The following RPS6KA5 variants were observed in gnomAD, a reference collection of about 807,000 sequenced individuals.
RPS6KA5 encodes ribosomal protein S6 kinase alpha-5.
In RPS6KA5, 27 loss-of-function variants were observed where a neutral mutation model predicts 85.5. The observed-to-expected ratio is 0.32, with a 90% CI of 0.23 to 0.44. The LOEUF (loss-of-function observed/expected upper bound fraction) is 0.44, where lower values mean the gene tolerates loss of function less well. Among genes scored for constraint, RPS6KA5 ranks in the 20% least tolerant of loss-of-function variants. The pLI, the probability that RPS6KA5 is intolerant of heterozygous loss-of-function variation, is 1.00. For synonymous variants in RPS6KA5, 334 were observed against 348.2 expected, an observed-to-expected ratio of 0.96 and a Z score of 0.46; for missense variants, 811 against 980.9, an observed-to-expected ratio of 0.83 and a Z score of 2.31.
chr14:90,983,080 T>A (rs998991044), intron 2 of RPS6KA5, among the ~76,000 whole-genome samples: 1 of 149,366 alleles, frequency 6.7e-6, no homozygotes, highest in Middle Eastern at 3.2e-3. Context: ...GCCACTGCAC[T>A]CCGGCCTGGG....
At chr14:90,976,635 T>C (rs2039582985) in intron 3 of RPS6KA5, among the ~76,000 whole-genome samples, 1 of 152,074 alleles carries the variant, frequency 6.6e-6, no homozygotes, top group Non-Finnish European at 1.5e-5. Flanking sequence ...TGAAGACATA[T>C]ATATCAAAAA....
intron 1 of RPS6KA5, among the ~76,000 whole-genome samples, chr14:91,057,453 G>A (rs2043369430): frequency 6.6e-6 from 1 of 151,834 alleles, no homozygotes; most frequent in Non-Finnish European, 1.5e-5. Flanking sequence ...GTGTCTGCCT[G>A]CCTGCCTGCC....
intron 3 of RPS6KA5, among the ~76,000 whole-genome samples, chr14:90,970,344 A>G (rs2039261635): frequency 1.3e-5 from 2 of 152,186 alleles, no homozygotes; most frequent in South Asian, 4.1e-4. Flanking sequence ...CAGCAATTAC[A>G]ATTATTGCTC....
intron 16 of RPS6KA5, 95 bp downstream of exon 16, chr14:90,873,537 G>T: frequency 8.7e-7 from 1 of 1,152,894 alleles, no homozygotes. Flanking sequence ...TTTTAAATGT[G>T]AAACAAAGAA....
chr14:90,903,657 C>T (rs553946865), intron 8 of RPS6KA5, among the ~76,000 whole-genome samples: 1 of 152,304 alleles, frequency 6.6e-6, no homozygotes, highest in South Asian at 2.1e-4. Flanking sequence ...TGAAATCCAA[C>T]CCTTTGCTCT....
At chr14:90,947,388 T>G (rs771311481) in intron 4 of RPS6KA5, 47 bp downstream of exon 4, 5 of 996,536 alleles carry the variant, frequency 5.0e-6, no homozygotes, top group Non-Finnish European at 6.3e-6. Flanking sequence ...ATTATTACCT[T>G]AGTTAACAGA....
intron 3 of RPS6KA5, among the ~76,000 whole-genome samples, chr14:90,965,612 C>G (rs559606562): frequency 6.1e-4 from 93 of 152,164 alleles, no homozygotes; most frequent in Admixed American, 6.0e-3. Flanking sequence ...GGGTAAAATG[C>G]TCACTAACCT....
At chr14:90,932,019 A>T (rs78413082) in intron 5 of RPS6KA5, among the ~76,000 whole-genome samples, 17,462 of 152,252 alleles carry the variant, frequency 0.11, 2,809 homozygotes, top group African/African-American at 0.36. Flanking sequence ...CACAATTAAA[A>T]TTAATCCACC....
At chr14:90,934,089 TAACA>T (rs1000333239) in intron 5 of RPS6KA5, among the ~76,000 whole-genome samples, 52 of 152,344 alleles carry the variant, frequency 3.4e-4, no homozygotes, top group African/African-American at 1.2e-3. Context: ...TATTGCTATC[TAACA>T]TACTACAGAA....
intron 3 of RPS6KA5, among the ~76,000 whole-genome samples, chr14:90,958,326 C>T (rs992753542): frequency 2.6e-5 from 4 of 152,128 alleles, no homozygotes; most frequent in Non-Finnish European, 5.9e-5. Flanking sequence ...TTAAATATTG[C>T]GTTTTCCAAC....
chr14:90,892,056 T>C (rs2034595420), intron 13 of RPS6KA5, among the ~76,000 whole-genome samples: 1 of 151,434 alleles, frequency 6.6e-6, no homozygotes, highest in Non-Finnish European at 1.5e-5. Context: ...TGGCGTGCAG[T>C]GGTGCGATCT....
intron 2 of RPS6KA5, among the ~76,000 whole-genome samples, chr14:90,998,270 T>C (rs2140565468): frequency 6.6e-6 from 1 of 152,240 alleles, no homozygotes; most frequent in Middle Eastern, 3.4e-3. Flanking sequence ...GTAAGGAAAA[T>C]GTTATAAAAC....
intron 14 of RPS6KA5, among the ~76,000 whole-genome samples, chr14:90,879,609 G>C (rs1174921242): frequency 6.6e-6 from 1 of 152,130 alleles, no homozygotes; most frequent in African/African-American, 2.4e-5. Context: ...CAAGTGATCA[G>C]CTGCACTTGG....
chr14:90,893,908 G>T, intron 13 of RPS6KA5: 2 of 647,656 alleles, frequency 3.1e-6, no homozygotes, highest in Non-Finnish European at 3.8e-6. Flanking sequence ...AAATATTATA[G>T]CACGATCATA....
intron 5 of RPS6KA5, among the ~76,000 whole-genome samples, chr14:90,936,042 C>A (rs2037238059): frequency 6.6e-6 from 1 of 152,050 alleles, no homozygotes; most frequent in Non-Finnish European, 1.5e-5. Context: ...AAGAACTCAA[C>A]AAATGTTTGT....
intron 5 of RPS6KA5, among the ~76,000 whole-genome samples, chr14:90,928,921 T>A (rs1282131562): frequency 6.6e-6 from 1 of 151,970 alleles, no homozygotes; most frequent in Non-Finnish European, 1.5e-5. Context: ...ATAGGTCAAC[T>A]TAGAAAATAA....
chr14:90,993,583 A>G (rs1240875925), intron 2 of RPS6KA5, among the ~76,000 whole-genome samples: 1 of 152,232 alleles, frequency 6.6e-6, no homozygotes, highest in East Asian at 1.9e-4. Flanking sequence ...CATTTTGAAG[A>G]TATTATTCCA....
chr14:90,876,498 TAACA>T (rs2033488372), intron 14 of RPS6KA5, among the ~76,000 whole-genome samples: 1 of 152,224 alleles, frequency 6.6e-6, no homozygotes, highest in Non-Finnish European at 1.5e-5. Flanking sequence ...GTTAACAGAA[TAACA>T]AACAAGCCAA....
chr14:91,030,611 G>GAAAAAAAAAA lies in RPS6KA5; in HGVS notation c.104-29462_104-29453dup, dbSNP rs58737573. On this transcript the variant is annotated intron_variant, in intron 1 of 16. Coordinates refer to ENST00000614987, the MANE Select transcript of RPS6KA5 (RefSeq NM_004755.4). ...AACATGCAAGACACCAAAATAAACA[G>GAAAAAAAAAA]AAAAAAAAAAAAAAAAAAAAAAAAA... 1.2e-3 allele frequency among the ~76,000 whole-genome samples: 27 copies of GAAAAAAAAAA among 22,072 alleles called. 1 individual carries two copies. Among genetic ancestry groups the GAAAAAAAAAA allele is most frequent in the Non-Finnish European group, 1.6e-3 (18 of 11,034 alleles). The allele number at this position is 22,072 out of a possible 152,430, so 14.5% of individuals were successfully genotyped here.
Sources: allele counts gnomAD v4.1 joint callset (sites outside exome capture counted in the v4.1 genomes callset), GRCh38; gene constraint gnomAD v4.1.1; transcripts MANE v1.5; gene names NCBI Gene and HGNC (gene_info 2026-07-23, HGNC 2026-07-21).